The following SHC3 variants were observed in gnomAD, a reference collection of about 807,000 sequenced individuals.
SHC3 encodes SHC adaptor protein 3.
Under a neutral mutation model 60.4 loss-of-function variants are expected in SHC3, and 15 were observed. That is an observed-to-expected ratio of 0.25 (90% confidence interval 0.17 to 0.38). The LOEUF is 0.38. Ranked by LOEUF, SHC3 falls within the 10% of genes least tolerant of loss-of-function variation. SHC3 has a pLI of 1.00. For synonymous variants in SHC3, 294 were observed against 325.9 expected (o/e 0.90, Z 1.05); for missense variants, 677 against 786.1 (o/e 0.86, Z 1.66).
intron 1 of SHC3, among the ~76,000 whole-genome samples, chr9:89,131,607 C>A (rs6559343): frequency 6.6e-6 from 1 of 152,112 alleles, no homozygotes; most frequent in Non-Finnish European, 1.5e-5. Flanking sequence ...GTACAACATA[C>A]GCAAATCAAT....
chr9:89,082,631 G>A (rs1825463766), intron 2 of SHC3, among the ~76,000 whole-genome samples: 1 of 152,162 alleles, frequency 6.6e-6, no homozygotes, highest in Non-Finnish European at 1.5e-5. Flanking sequence ...TAACTTTAGG[G>A]TGAGGGTTGG....
intron 10 of SHC3, among the ~76,000 whole-genome samples, chr9:89,041,448 T>G (rs1189668473): frequency 6.6e-6 from 1 of 152,190 alleles, no homozygotes; most frequent in Non-Finnish European, 1.5e-5. Context: ...TCAAGTAGAA[T>G]AGTATTTGAC....
rs190579859 is a variant in SHC3, at chr9:89,107,130, C to A, written c.545+5426G>T. ...CAGGAGTGACCACTTACATTCCAGTCACCCTGATGGGCTGGCTGGAGAACT... is the reference window on the plus strand; with the variant it reads ...CAGGAGTGACCACTTACATTCCAGTAACCCTGATGGGCTGGCTGGAGAACT... On this transcript the variant is annotated intron_variant, in intron 2 of 11. Transcript: ENST00000375835. Among the ~76,000 whole-genome samples, 6 of 152,282 alleles carry A rather than the reference C, an allele frequency of 3.9e-5. No individual in the cohort carries two copies. The East Asian group carries it at 1.2e-3, about 29-fold the overall frequency.
At chr9:89,070,672 G>A (rs539699408) in intron 5 of SHC3, among the ~76,000 whole-genome samples, 7 of 152,154 alleles carry the variant, frequency 4.6e-5, no homozygotes, top group South Asian at 2.1e-4. Flanking sequence ...TTCTGTTCTC[G>A]AGTCTTCTTC....
chr9:89,104,735 C>T (rs1825832291), intron 2 of SHC3, among the ~76,000 whole-genome samples: 1 of 152,196 alleles, frequency 6.6e-6, no homozygotes, highest in Admixed American at 6.5e-5. Context: ...CAAGCCCATC[C>T]TTCCTCAGTT....
At chr9:89,145,391 C>T (rs759126255) in intron 1 of SHC3, among the ~76,000 whole-genome samples, 1 of 152,178 alleles carries the variant, frequency 6.6e-6, no homozygotes, top group East Asian at 1.9e-4. Context: ...TACAATGATT[C>T]GCTTAAAGTA....
At chr9:89,046,229 T>C (rs1217944781) in intron 8 of SHC3, among the ~76,000 whole-genome samples, 2 of 152,082 alleles carry the variant, frequency 1.3e-5, no homozygotes, top group African/African-American at 4.8e-5. Context: ...GTCCACTCTG[T>C]AAACCAGGAA....
At chr9:89,132,904 C>A (rs1201508236) in intron 1 of SHC3, among the ~76,000 whole-genome samples, 2 of 152,126 alleles carry the variant, frequency 1.3e-5, no homozygotes, top group Non-Finnish European at 2.9e-5. Context: ...CCAAAATAGA[C>A]AAATGGGATC....
chr9:89,142,530 C>A (rs191475629), intron 1 of SHC3, among the ~76,000 whole-genome samples: 2 of 150,588 alleles, frequency 1.3e-5, no homozygotes, highest in South Asian at 2.1e-4. Flanking sequence ...TAAAAATACA[C>A]AAATTAGCCA....
chr9:89,177,599 C>T (rs1826959747), intron 1 of SHC3, among the ~76,000 whole-genome samples: 1 of 152,184 alleles, frequency 6.6e-6, no homozygotes, highest in Admixed American at 6.5e-5. Context: ...TCTCTCCTCC[C>T]GGGGGCTGCC....
chr9:89,023,178 G>C (rs981961320), intron 11 of SHC3, among the ~76,000 whole-genome samples: 2 of 152,220 alleles, frequency 1.3e-5, no homozygotes, highest in African/African-American at 4.8e-5. Flanking sequence ...CTTAGCATGA[G>C]AGCTGATTGC....
chr9:89,164,732 C>A (rs144530791), intron 1 of SHC3, among the ~76,000 whole-genome samples: 1 of 152,108 alleles, frequency 6.6e-6, no homozygotes, highest in East Asian at 1.9e-4. Context: ...TGATATAATT[C>A]AGCAACCATT....
At chr9:89,174,034 T>C (rs984579739) in intron 1 of SHC3, among the ~76,000 whole-genome samples, 4 of 152,162 alleles carry the variant, frequency 2.6e-5, no homozygotes, top group East Asian at 1.9e-4. Flanking sequence ...AGAATTGATA[T>C]AGTTATTTTA....
chr9:89,067,441 G>A (rs75924942), intron 5 of SHC3, among the ~76,000 whole-genome samples: 5,008 of 152,220 alleles, frequency 0.033, 138 homozygotes, highest in African/African-American at 0.072. Flanking sequence ...GATCATTTAG[G>A]TGACCACTGT....
rs1036835406 is a variant in SHC3, at chr9:89,011,128, A to G, written c.*2319T>C. The G allele has an allele frequency of 1.3e-5, 2 of 152,244 alleles. No individual in the cohort carries two copies. The highest frequency in any genetic ancestry group is 2.9e-5 in the Non-Finnish European group (2 of 68,040). The allele number at this position is 152,244 out of a possible 1,614,324, so 9.4% of individuals were successfully genotyped here. A position where few individuals can be genotyped will look rare whatever the true frequency, so the allele number is the denominator to read the frequency against. On this transcript the variant is annotated 3_prime_UTR_variant, in exon 12 of 12. Transcript: ENST00000375835. ...GGCACTATTCTAGTGTAACCAATAT[A>G]TAATCTGAGCTTAAAAATGTATATT...
chr9:89,137,484 T>C (rs1826335822), intron 1 of SHC3, among the ~76,000 whole-genome samples: 1 of 152,160 alleles, frequency 6.6e-6, no homozygotes, highest in Non-Finnish European at 1.5e-5. Context: ...GGTACAATTG[T>C]GGCAGACAGA....
Position 89,012,094 on chromosome 9 carries a change from G to T in SHC3, c.*1353C>A, listed in dbSNP as rs1486926264. The T allele has an allele frequency of 6.6e-6, 1 of 152,148 alleles. No homozygotes were observed. Among genetic ancestry groups the T allele is most frequent in the African/African-American group, 2.4e-5 (1 of 41,404 alleles). 9.4% of individuals were successfully genotyped at this position (152,148 alleles called of 1,614,324 possible). The stretch of plus-strand genomic sequence containing the variant: ...CCTACAGGGTGCTGTACCCTGTGGG[G>T]TCTCACCAGAACAAGAGCCACGCTG... On this transcript the variant is annotated 3_prime_UTR_variant, in exon 12 of 12. Coordinates refer to ENST00000375835, the MANE Select transcript of SHC3 (RefSeq NM_016848.6).
At chr9:89,107,842 G>A (rs1157069170) in intron 2 of SHC3, among the ~76,000 whole-genome samples, 1 of 152,060 alleles carries the variant, frequency 6.6e-6, no homozygotes, top group Non-Finnish European at 1.5e-5. Flanking sequence ...CCTTTCCCTG[G>A]CATGTTTAAT....
chr9:89,049,210 A>G (rs979476523), intron 7 of SHC3, among the ~76,000 whole-genome samples: 3 of 152,288 alleles, frequency 2.0e-5, no homozygotes, highest in Non-Finnish European at 4.4e-5. Context: ...GCAGTGAGCC[A>G]AGATCGCGCC....
Sources: gnomAD v4.1 joint callset for allele counts (sites outside exome capture counted in the v4.1 genomes callset) on GRCh38, gnomAD v4.1.1 for gene constraint, MANE v1.5 for transcripts, NCBI Gene and HGNC (gene_info 2026-07-23, HGNC 2026-07-21) for gene names.